The following LOXHD1 variants were observed in gnomAD, a reference collection of about 807,000 sequenced individuals.
The protein encoded by LOXHD1 is lipoxygenase homology PLAT domains 1, also known as lipoxygenase homology domain-containing protein 1.
Under a neutral mutation model 248.2 loss-of-function variants are expected in LOXHD1, and 205 were observed. The observed-to-expected ratio is 0.83, with a 90% CI of 0.74 to 0.93. The LOEUF (loss-of-function observed/expected upper bound fraction) is 0.93. LOXHD1 is among the 40% of genes least tolerant of loss of function. The pLI is 0.00. For missense variants in LOXHD1, 2,930 were observed against 2,971.6 expected, an observed-to-expected ratio of 0.99 and a Z score of 0.33; for synonymous variants, 1,113 against 1,162.8, an observed-to-expected ratio of 0.96 and a Z score of 0.87.
In LOXHD1 at chr18:46,543,591, C is replaced by T. The variant is rs557804672; in HGVS notation, c.3620-736G>A. Among the ~76,000 whole-genome samples the T allele has an allele frequency of 5.9e-5, 9 of 152,150 alleles. No individual in the cohort carries two copies. The East Asian group carries it at 1.4e-3, about 23-fold the overall frequency. On this transcript the variant is annotated intron_variant, in intron 23 of 40. Transcript: ENST00000642948. ...TAACCCCCCACCCCCTGACAGGCCT[C>T]GGTGTATGATGTTCCTCTCCCTGTG... is the stretch of plus-strand genomic sequence containing the variant.
chr18:46,582,881 G>A (rs892319673), intron 12 of LOXHD1, among the ~76,000 whole-genome samples: 3 of 152,162 alleles, frequency 2.0e-5, no homozygotes, highest in African/African-American at 4.8e-5. Context: ...TGAGGTGGTG[G>A]TTCCTATGAA....
intron 14 of LOXHD1, among the ~76,000 whole-genome samples, chr18:46,575,862 C>G (rs1236278327): frequency 6.6e-6 from 1 of 152,226 alleles, no homozygotes; most frequent in East Asian, 1.9e-4. Context: ...TGTCCTATCC[C>G]CAGAGGCCAG....
chr18:46,559,207 G>C (rs747404001), intron 20 of LOXHD1: 2 of 1,477,482 alleles, frequency 1.4e-6, no homozygotes, highest in South Asian at 2.4e-5. Flanking sequence ...GCCATTCTCT[G>C]TTTGTTCCTG....
At chr18:46,635,323 T>C (rs758522443) in intron 4 of LOXHD1, among the ~76,000 whole-genome samples, 2 of 151,758 alleles carry the variant, frequency 1.3e-5, no homozygotes, top group African/African-American at 2.4e-5. Flanking sequence ...CAGCAGGAGG[T>C]TGTCCCAACT....
At chr18:46,525,562 C>T (rs1379104621) in intron 29 of LOXHD1, among the ~76,000 whole-genome samples, 1 of 152,090 alleles carries the variant, frequency 6.6e-6, no homozygotes, top group Non-Finnish European at 1.5e-5. Context: ...TAATCTGTAT[C>T]CCTGAGTCTG....
intron 14 of LOXHD1, among the ~76,000 whole-genome samples, chr18:46,576,207 G>A (rs942332479): frequency 6.6e-6 from 1 of 152,196 alleles, no homozygotes; most frequent in African/African-American, 2.4e-5. Context: ...AATATATTTT[G>A]AGTAGATAGG....
intron 20 of LOXHD1, chr18:46,558,100 T>G: frequency 1.0e-6 from 1 of 981,538 alleles, no homozygotes; most frequent in East Asian, 1.1e-4. Flanking sequence ...TTTTGACTCT[T>G]AATTTTGAAA....
chr18:46,604,556 G>T (rs2038385795), intron 6 of LOXHD1, among the ~76,000 whole-genome samples: 1 of 152,200 alleles, frequency 6.6e-6, no homozygotes, highest in South Asian at 2.1e-4. Flanking sequence ...TGGAAGCCTG[G>T]ATTTGCAAAC....
At chr18:46,639,840 C>T (rs1599069237) in intron 3 of LOXHD1, 40 bp from the exon 4 acceptor site, 1 of 1,549,830 alleles carries the variant, frequency 6.5e-7, no homozygotes, top group Non-Finnish European at 8.7e-7. Context: ...ACTGGCAGAA[C>T]TGAAACAGCA....
At chr18:46,555,968 C>T (rs1267691694) in intron 21 of LOXHD1, among the ~76,000 whole-genome samples, 3 of 152,058 alleles carry the variant, frequency 2.0e-5, no homozygotes, top group African/African-American at 4.8e-5. Context: ...GCCTACCCTG[C>T]TTGCGGACAT....
At chr18:46,492,967 C>A (rs2033591405) in intron 37 of LOXHD1, among the ~76,000 whole-genome samples, 1 of 152,116 alleles carries the variant, frequency 6.6e-6, no homozygotes, top group Non-Finnish European at 1.5e-5. Flanking sequence ...CAGATTTTGT[C>A]ACTTCTCCAT....
At chr18:46,616,760 C>G (rs959511802) in intron 5 of LOXHD1, among the ~76,000 whole-genome samples, 1 of 152,174 alleles carries the variant, frequency 6.6e-6, no homozygotes, top group African/African-American at 2.4e-5. Context: ...TATATCCTTG[C>G]TTAGAATAGT....
intron 6 of LOXHD1, among the ~76,000 whole-genome samples, chr18:46,605,252 G>T (rs758561357): frequency 9.9e-5 from 15 of 152,184 alleles, no homozygotes; most frequent in Non-Finnish European, 2.1e-4. Flanking sequence ...TTTTGGCTGG[G>T]CGTGGTGGCT....
intron 36 of LOXHD1, 67 bp downstream of exon 36, chr18:46,507,471 G>C: frequency 2.6e-6 from 4 of 1,534,214 alleles, no homozygotes; most frequent in Non-Finnish European, 3.5e-6. Context: ...CAGAAACAAG[G>C]GCCTGAGCCC....
intron 17 of LOXHD1, 139 bp from the exon 18 acceptor site, chr18:46,563,364 A>C: frequency 1.3e-6 from 1 of 782,720 alleles, no homozygotes; most frequent in Non-Finnish European, 1.9e-6. Flanking sequence ...CCTCTCCTCA[A>C]CACCCTGAGT....
In LOXHD1 at chr18:46,648,668, G is replaced by A. The variant is rs150995144; in HGVS notation, c.245+487C>T. On this transcript the variant is annotated intron_variant, in intron 2 of 40. Transcript: ENST00000642948. ...AAAAGAGCACACAAGGCATACACAC[G>A]CACAAGCACACACACAAGCAATCCC... Among the ~76,000 whole-genome samples the A allele has an allele frequency of 3.1e-3, 471 of 152,324 alleles. 4 individuals are homozygous for A. Among genetic ancestry groups the A allele is most frequent in the African/African-American group, 0.01 (436 of 41,570 alleles).
At chr18:46,625,495 TAA>T (rs10692200) in intron 4 of LOXHD1, among the ~76,000 whole-genome samples, 10 of 141,570 alleles carry the variant, frequency 7.1e-5, no homozygotes, top group African/African-American at 1.8e-4. Context: ...GCTGATGAGC[TAA>T]AAAAAAAAAA....
intron 37 of LOXHD1, among the ~76,000 whole-genome samples, chr18:46,492,167 T>G (rs763340945): frequency 5.9e-5 from 9 of 152,140 alleles, no homozygotes; most frequent in South Asian, 2.1e-4. Context: ...GACAGCAGGA[T>G]AGTAGAGAGT....
At position 46,656,906 on chromosome 18, in the gene LOXHD1, C is replaced by A. The variant is rs2039189968; in HGVS notation, c.128G>T (p.Arg43Ile). ...GELEHEYYKARVYEVVTATGD... is the reference protein window; with the variant it reads ...GELEHEYYKAIVYEVVTATGD... ...CCCCGCAGGCTGGGACCCCGCACCT[C>A]TGGCCTTGTAGTACTCGTGTTCCAG... Residue 43 changes from arginine (R) to isoleucine (I), a missense_variant and splice_region_variant, in exon 1 of 41, where the codon AGA (arginine) becomes ATA (isoleucine). Physicochemically the swap from Arg to Ile is moderately conservative, Grantham distance 97. Transcript: ENST00000642948. The A allele has an allele frequency of 1.3e-6, 2 of 1,551,556 alleles. No homozygotes were observed. The highest frequency in any genetic ancestry group is 1.7e-6 in the Non-Finnish European group (2 of 1,146,890).
Sources: allele counts gnomAD v4.1 joint callset (sites outside exome capture counted in the v4.1 genomes callset), GRCh38; gene constraint gnomAD v4.1.1; transcripts MANE v1.5; gene names NCBI Gene and HGNC (gene_info 2026-07-23, HGNC 2026-07-21).